Variants in ADAM18 observed in about 807,000 individuals in gnomAD.
The protein encoded by ADAM18 is disintegrin and metalloproteinase domain-containing protein 18.
In ADAM18, 117 loss-of-function variants were observed where a neutral mutation model predicts 94.4. The ratio of observed to expected loss-of-function variants is 1.24; its 90% confidence interval spans 1.07 to 1.45. The LOEUF is 1.45. Among genes scored for constraint, ADAM18 ranks in the 40% most tolerant of loss-of-function variants. The probability of loss-of-function intolerance (pLI) is 0.00; values close to 1 mark genes in which losing one functional copy is unlikely to be tolerated. For missense variants in ADAM18, 936 were observed against 880.0 expected, an observed-to-expected ratio of 1.06 and a Z score of -0.81; for synonymous variants, 327 against 291.6, an observed-to-expected ratio of 1.12 and a Z score of -1.24.
chr8:39,676,693 A>G (rs1821311873), intron 14 of ADAM18, among the ~76,000 whole-genome samples: 1 of 152,200 alleles, frequency 6.6e-6, no homozygotes, highest in African/African-American at 2.4e-5. Flanking sequence ...CAGGTACCTC[A>G]GTTGGAAATG....
At chr8:39,700,062 T>C (rs1822021724) in intron 17 of ADAM18, among the ~76,000 whole-genome samples, 1 of 152,214 alleles carries the variant, frequency 6.6e-6, no homozygotes, top group Non-Finnish European at 1.5e-5. Context: ...TCTATCTGTG[T>C]GTGATTTATG....
intron 17 of ADAM18, among the ~76,000 whole-genome samples, chr8:39,699,196 A>G (rs73609921): frequency 6.8e-4 from 103 of 152,230 alleles, no homozygotes; most frequent in African/African-American, 2.4e-3. Context: ...TTCCTTAAAG[A>G]ACTAACAAGT....
chr8:39,648,423 T>G lies in ADAM18; in HGVS notation c.1126T>G (p.Cys376Gly). Residue 376 changes from cysteine to glycine, a missense_variant, in exon 12 of 20, where the codon TGC becomes GGC. By Grantham distance (159) the Cys-to-Gly change is radical. Transcript: ENST00000265707. ...RYFVSKFETK[C>G]LQKLSNLQPL... ...TTTTGTTTCAAAATTTGAGACTAAA[T>G]GCCTTCAGAAGCTTTCAAATTTGCA... 1 of 1,613,126 alleles carries G rather than the reference T, an allele frequency of 6.2e-7. No homozygotes were observed. The highest frequency in any genetic ancestry group is 8.5e-7 in the Non-Finnish European group (1 of 1,179,516).
chr8:39,647,685 T>C (rs908858465), intron 11 of ADAM18, among the ~76,000 whole-genome samples: 2 of 152,198 alleles, frequency 1.3e-5, no homozygotes, highest in Admixed American at 1.3e-4. Flanking sequence ...CCCTGTGGCT[T>C]TCCGCAGTGC....
chr8:39,672,398 G>T (rs1821180727), intron 14 of ADAM18, among the ~76,000 whole-genome samples: 1 of 152,162 alleles, frequency 6.6e-6, no homozygotes, highest in Admixed American at 6.6e-5. Context: ...GAAGCCAGAT[G>T]AATAATGTTG....
At chr8:39,586,484 C>G (rs925804493) in intron 2 of ADAM18, among the ~76,000 whole-genome samples, 6 of 152,198 alleles carry the variant, frequency 3.9e-5, no homozygotes, top group African/African-American at 1.4e-4. Flanking sequence ...CCCATCCCAA[C>G]ACTTTGGGAT....
chr8:39,682,551 T>C (rs1821493222), intron 16 of ADAM18, among the ~76,000 whole-genome samples: 1 of 152,136 alleles, frequency 6.6e-6, no homozygotes, highest in South Asian at 2.1e-4. Context: ...TCACAGACCT[T>C]GAAACCCAAA....
rs1822966890 is a variant in ADAM18, at chr8:39,728,006, T to A, written c.2178-1892T>A. ...GCTTTTAGGGAGGCCTCAGGAAGCT[T>A]ACAATCATGGCAGAAGGTGAAGGGG... On this transcript the variant is annotated intron_variant, in intron 19 of 19. Coordinates refer to ENST00000265707, the MANE Select transcript of ADAM18 (RefSeq NM_014237.3). Among the ~76,000 whole-genome samples the A allele has an allele frequency of 3.3e-5, 5 of 152,076 alleles. No homozygotes were observed. The South Asian group carries it at 1.0e-3, about 31-fold the overall frequency.
intron 7 of ADAM18, among the ~76,000 whole-genome samples, chr8:39,629,982 C>T (rs1295849152): frequency 6.6e-6 from 1 of 151,820 alleles, no homozygotes; most frequent in Non-Finnish European, 1.5e-5. Context: ...TTTCTGGTCA[C>T]ATTGTTTTAT....
intron 6 of ADAM18, among the ~76,000 whole-genome samples, chr8:39,612,015 AAAC>A (rs1203216727): frequency 6.6e-6 from 1 of 152,236 alleles, no homozygotes; most frequent in Admixed American, 6.5e-5. Flanking sequence ...AGTTTATACA[AAAC>A]AACTAGAAAA....
intron 6 of ADAM18, among the ~76,000 whole-genome samples, chr8:39,618,604 G>A (rs900298166): frequency 6.6e-6 from 1 of 152,168 alleles, no homozygotes; most frequent in African/African-American, 2.4e-5. Context: ...ACGACGTGAA[G>A]CTAGACAACC....
At chr8:39,608,073 TAA>T (rs1418749298) in intron 3 of ADAM18, among the ~76,000 whole-genome samples, 1 of 152,134 alleles carries the variant, frequency 6.6e-6, no homozygotes, top group African/African-American at 2.4e-5. Context: ...GGCAAATATA[TAA>T]GTTTTTCAGG....
chr8:39,593,539 A>C (rs1818641912), intron 2 of ADAM18, among the ~76,000 whole-genome samples: 1 of 152,200 alleles, frequency 6.6e-6, no homozygotes, highest in Non-Finnish European at 1.5e-5. Flanking sequence ...CATAAAAAAA[A>C]AATCAGACAT....
intron 6 of ADAM18, among the ~76,000 whole-genome samples, chr8:39,623,273 A>G (rs1043497989): frequency 1.3e-5 from 2 of 152,128 alleles, no homozygotes; most frequent in African/African-American, 4.8e-5. Flanking sequence ...TTGGTTCCAT[A>G]TCTTTGAAAT....
At chr8:39,586,745 C>A (rs1197922796) in intron 2 of ADAM18, among the ~76,000 whole-genome samples, 1 of 148,516 alleles carries the variant, frequency 6.7e-6, no homozygotes, top group Non-Finnish European at 1.5e-5. Flanking sequence ...AAAAAACAAA[C>A]AAACAAAAAA....
chr8:39,712,677 A>G (rs1386494864), intron 18 of ADAM18, among the ~76,000 whole-genome samples: 2 of 152,098 alleles, frequency 1.3e-5, no homozygotes, highest in African/African-American at 4.8e-5. Context: ...TCATGAGTGA[A>G]CTCCCATTCA....
chr8:39,639,567 ATT>A (rs759857093), intron 10 of ADAM18, among the ~76,000 whole-genome samples: 161 of 152,006 alleles, frequency 1.1e-3, no homozygotes, highest in Admixed American at 2.0e-3. Flanking sequence ...TCATATCCAT[ATT>A]TCGACTGCTT....
rs1820439739 is a variant in ADAM18, at chr8:39,648,323, AG to A, written c.1047-19del. ...TTTATTAGCCAGGCTTATTTGCCTGAGGAATATTATTTTATTTTAGGAGTGC... is the reference window on the plus strand; with the variant it reads ...TTTATTAGCCAGGCTTATTTGCCTGAGAATATTATTTTATTTTAGGAGTGC... On this transcript the variant is annotated intron_variant, in intron 11 of 19. Coordinates refer to ENST00000265707, the MANE Select transcript of ADAM18 (RefSeq NM_014237.3). 5 of 1,554,724 alleles carry A rather than the reference AG, an allele frequency of 3.2e-6. No homozygotes were observed. The highest frequency in any genetic ancestry group is 4.3e-6 in the Non-Finnish European group (5 of 1,149,518).
chr8:39,619,428 G>A (rs1819541499), intron 6 of ADAM18, among the ~76,000 whole-genome samples: 1 of 152,120 alleles, frequency 6.6e-6, no homozygotes, highest in Non-Finnish European at 1.5e-5. Context: ...CACAAAACAA[G>A]TCTTAACAAA....
Sources: allele counts gnomAD v4.1 joint callset (sites outside exome capture counted in the v4.1 genomes callset), GRCh38; gene constraint gnomAD v4.1.1; transcripts MANE v1.5; gene names NCBI Gene and HGNC (gene_info 2026-07-23, HGNC 2026-07-21).